The following CELA3B variants were observed in gnomAD, a reference collection of about 807,000 sequenced individuals.
The protein encoded by CELA3B is chymotrypsin-like elastase family member 3B.
CELA3B carries 34 observed loss-of-function variants against 37.2 expected under a neutral mutation model. That is an observed-to-expected ratio of 0.91 (90% CI 0.70 to 1.22). The LOEUF is 1.22. CELA3B is among the 50% of genes most tolerant of loss of function. The probability of loss-of-function intolerance (pLI) is 0.00; values close to 1 mark genes in which losing one functional copy is unlikely to be tolerated. For missense variants in CELA3B, 340 were observed against 363.1 expected (o/e 0.94, Z 0.52); for synonymous variants, 127 against 143.5 (o/e 0.89, Z 0.82).
At chr1:21,977,466 G>A (rs1644779146) in intron 1 of CELA3B, among the ~76,000 whole-genome samples, 1 of 152,010 alleles carries the variant, frequency 6.6e-6, no homozygotes, top group Non-Finnish European at 1.5e-5. Flanking sequence ...CCTTTTCCTG[G>A]TCTCTCTGCC....
chr1:21,992,845 G>C (rs905858087), downstream of CELA3B, among the ~76,000 whole-genome samples: 1 of 150,694 alleles, frequency 6.6e-6, no homozygotes, highest in African/African-American at 2.5e-5. Context: ...CATGCCTGTA[G>C]TCCCAGCTAC....
chr1:21,991,618 G>A (rs1644869223), downstream of CELA3B, among the ~76,000 whole-genome samples: 1 of 150,990 alleles, frequency 6.6e-6, no homozygotes, highest in Non-Finnish European at 1.5e-5. Flanking sequence ...TTACAGGTGT[G>A]AGCCACTGTG....
rs1231186011 is a variant in CELA3B at position 21,986,598 on chromosome 1, G to C, written c.710G>C (p.Ser237Thr). Reference protein sequence around the residue: ...DGGWQVHGVTSFVSAFGCNTR... With the variant: ...DGGWQVHGVTTFVSAFGCNTR... ...GGCTGGCAGGTCCATGGCGTGACCAGCTTTGTTTCTGCCTTTGGCTGCAAC... is the reference window on the plus strand; with the variant it reads ...GGCTGGCAGGTCCATGGCGTGACCACCTTTGTTTCTGCCTTTGGCTGCAAC... The change falls in exon 7 of 8, where the codon AGC (serine) becomes ACC (threonine). Residue 237 changes from serine to threonine, a missense_variant. Ser to Thr is a moderately conservative substitution (Grantham distance 58). Coordinates refer to ENST00000337107, the MANE Select transcript of CELA3B (RefSeq NM_007352.4). 1.2e-6 allele frequency: 2 copies of C among 1,614,106 alleles called. No homozygotes were observed. The highest frequency in any genetic ancestry group is 2.2e-5 in the East Asian group (1 of 44,878).
chr1:21,989,900 CTA>C (rs1379904370), downstream of CELA3B, among the ~76,000 whole-genome samples: 2 of 150,352 alleles, frequency 1.3e-5, no homozygotes, highest in Non-Finnish European at 2.9e-5. Flanking sequence ...GTTCATACTG[CTA>C]TAAAGAACTG....
intron 2 of CELA3B, among the ~76,000 whole-genome samples, chr1:21,979,159 G>A (rs184826684): frequency 0.2 from 30,016 of 150,622 alleles, 3,928 homozygotes; most frequent in East Asian, 0.36. Context: ...TGCAACCTCT[G>A]CCACCCGGGT....
chr1:21,987,043 A>T (rs1290148134), intron 7 of CELA3B: 13 of 375,898 alleles, frequency 3.5e-5, no homozygotes, highest in Admixed American at 2.3e-4. Context: ...ATGCAGTCTG[A>T]TGAGAGCCGA....
downstream of CELA3B, among the ~76,000 whole-genome samples, chr1:21,991,956 C>T (rs1293090605): frequency 6.1e-5 from 9 of 148,238 alleles, no homozygotes; most frequent in Non-Finnish European, 9.0e-5. Flanking sequence ...CCCGTCTCTA[C>T]TAAAAAATAC....
At chr1:21,981,916 G>A (rs538828601) in intron 4 of CELA3B, among the ~76,000 whole-genome samples, 45 of 151,982 alleles carry the variant, frequency 3.0e-4, no homozygotes, top group South Asian at 2.5e-3. Context: ...TAGTAGAGAC[G>A]GGGTTTCACC....
At chr1:21,980,759 G>A (rs12401939) in intron 2 of CELA3B, 65 bp from the exon 3 acceptor site, 279,315 of 1,130,510 alleles carry the variant, frequency 0.25, 37,856 homozygotes, top group Admixed American at 0.41. Flanking sequence ...AACCTATACA[G>A]CCATTGGTGG....
At chr1:21,996,213 T>G (rs1644889527) in intron 4 of CELA3B, among the ~76,000 whole-genome samples, 1 of 151,062 alleles carries the variant, frequency 6.6e-6, no homozygotes, top group Admixed American at 6.6e-5. Flanking sequence ...AAAATGAAGC[T>G]GAGACCTGGG....
At chr1:21,987,225 C>T (rs1298132553) in intron 7 of CELA3B, among the ~76,000 whole-genome samples, 1 of 150,754 alleles carries the variant, frequency 6.6e-6, no homozygotes, top group South Asian at 2.1e-4. Flanking sequence ...GAAGCAGAGG[C>T]AGGTGGATCA....
chr1:21,987,671 G>C (rs1270840618), intron 7 of CELA3B: 1 of 150,834 alleles, frequency 6.6e-6, no homozygotes, highest in Non-Finnish European at 1.5e-5. Flanking sequence ...AACTGTCCCA[G>C]GTCAGAAACA....
intron 7 of CELA3B, among the ~76,000 whole-genome samples, chr1:21,988,965 AGACG>A (rs1644856794): frequency 2.6e-5 from 4 of 151,906 alleles, no homozygotes; most frequent in Non-Finnish European, 5.9e-5. Flanking sequence ...ATACACACAC[AGACG>A]TATATATATA....
chr1:21,982,288 T>C (rs2152816008), intron 4 of CELA3B, among the ~76,000 whole-genome samples: 1 of 152,076 alleles, frequency 6.6e-6, no homozygotes, highest in South Asian at 2.1e-4. Context: ...GCTGGCAGTA[T>C]CAGCATCACC....
At chr1:21,981,244 A>T in intron 4 of CELA3B, 72 bp downstream of exon 4, 2 of 1,478,756 alleles carry the variant, frequency 1.4e-6, no homozygotes, top group Non-Finnish European at 9.1e-7. Flanking sequence ...GCCAAGTCTG[A>T]GTAGGTTCCA....
chr1:21,992,382 C>G (rs902018335), downstream of CELA3B, among the ~76,000 whole-genome samples: 4 of 151,766 alleles, frequency 2.6e-5, no homozygotes, highest in African/African-American at 9.7e-5. Context: ...CCAGCCTGGA[C>G]AACATAGTGA....
intron 6 of CELA3B, 118 bp from the exon 7 acceptor site, chr1:21,986,413 G>C: frequency 7.8e-7 from 1 of 1,278,352 alleles, no homozygotes; most frequent in South Asian, 1.5e-5. Context: ...AAAAATGAGC[G>C]AGCTAAGGCT....
At chr1:21,977,919 G>A (rs1644781382) in intron 1 of CELA3B, 3 of 355,682 alleles carry the variant, frequency 8.4e-6, no homozygotes, top group South Asian at 4.2e-5. Context: ...ATGTTGCCCA[G>A]GCTGGTCTCA....
At position 21,977,049 on chromosome 1, in the gene CELA3B, C is replaced by T. The variant is rs773473950; in HGVS notation, c.10C>T (p.Arg4Trp). ...TATCATCGCAAAACTCATGATGCTC[C>T]GGCTGCTCAGTTCCCTCCTCCTTGT... MML[R>W]LLSSLLLVAV... The change falls in exon 1 of 8, where the codon CGG (arginine) becomes TGG (tryptophan). Residue 4 changes from arginine (R) to tryptophan (W), a missense_variant. Arg to Trp is a moderately radical substitution (Grantham distance 101). Coordinates refer to ENST00000337107, the MANE Select transcript of CELA3B (RefSeq NM_007352.4). The T allele has an allele frequency of 4.7e-5, 76 of 1,614,144 alleles. No individual in the cohort carries two copies. The East Asian group carries it at 1.1e-3, about 23-fold the overall frequency.
Sources: allele counts gnomAD v4.1 joint callset (sites outside exome capture counted in the v4.1 genomes callset), GRCh38; gene constraint gnomAD v4.1.1; transcripts MANE v1.5; gene names NCBI Gene and HGNC (gene_info 2026-07-23, HGNC 2026-07-21).